DYNC1I1: variants seen among roughly 807,000 people sequenced by gnomAD.
DYNC1I1 encodes dynein cytoplasmic 1 intermediate chain 1, also known as cytoplasmic dynein 1 intermediate chain 1.
Under a neutral mutation model 86.6 loss-of-function variants are expected in DYNC1I1, and 43 were observed. That is an observed-to-expected ratio of 0.50 (90% CI 0.39 to 0.64). The LOEUF is 0.64. DYNC1I1 is among the 30% of genes least tolerant of loss of function. DYNC1I1 has a pLI of 0.00. For synonymous variants in DYNC1I1, 262 were observed against 283.7 expected, an observed-to-expected ratio of 0.92 and a Z score of 0.77; for missense variants, 604 against 788.8, an observed-to-expected ratio of 0.77 and a Z score of 2.81.
chr7:96,042,781 G>A (rs1183335217), intron 14 of DYNC1I1, among the ~76,000 whole-genome samples: 1 of 152,110 alleles, frequency 6.6e-6, no homozygotes, highest in Non-Finnish European at 1.5e-5. Flanking sequence ...AAAACATGTA[G>A]TCTGTCTTTT....
At chr7:95,879,337 T>C (rs769162600) in intron 6 of DYNC1I1, among the ~76,000 whole-genome samples, 73 of 152,146 alleles carry the variant, frequency 4.8e-4, no homozygotes, top group Non-Finnish European at 8.5e-4. Context: ...ACAAAGAAGG[T>C]GAGTGGCAGC....
At chr7:96,019,270 A>C (rs545220775) in intron 10 of DYNC1I1, among the ~76,000 whole-genome samples, 2 of 149,254 alleles carry the variant, frequency 1.3e-5, no homozygotes, top group South Asian at 2.1e-4. Context: ...TCTTGAATTT[A>C]TTCCTTCTAT....
At chr7:95,969,613 T>C (rs1489505678) in intron 6 of DYNC1I1, among the ~76,000 whole-genome samples, 2 of 152,174 alleles carry the variant, frequency 1.3e-5, no homozygotes, top group Non-Finnish European at 2.9e-5. Flanking sequence ...TCAATACATA[T>C]TTACTATGCA....
intron 6 of DYNC1I1, among the ~76,000 whole-genome samples, chr7:95,932,630 G>A (rs1364321657): frequency 1.3e-5 from 2 of 152,116 alleles, no homozygotes; most frequent in African/African-American, 2.4e-5. Flanking sequence ...AAGCTTCTAG[G>A]AACTTCCACA....
chr7:95,866,450 C>G (rs146001774), intron 5 of DYNC1I1, among the ~76,000 whole-genome samples: 1 of 152,288 alleles, frequency 6.6e-6, no homozygotes, highest in East Asian at 1.9e-4. Context: ...GTACATGGCC[C>G]TGGGACTTAC....
intron 1 of DYNC1I1, among the ~76,000 whole-genome samples, chr7:95,775,260 G>A (rs1382620): frequency 0.34 from 51,115 of 152,112 alleles, 8,972 homozygotes; most frequent in South Asian, 0.51. Context: ...TCCGTACTAT[G>A]AAACAATTAC....
chr7:95,821,407 G>A (rs1412215015), intron 4 of DYNC1I1, among the ~76,000 whole-genome samples: 2 of 152,116 alleles, frequency 1.3e-5, no homozygotes, highest in Non-Finnish European at 2.9e-5. Flanking sequence ...GATTGCCTGG[G>A]GTTAGAGTAG....
intron 4 of DYNC1I1, chr7:95,818,419 A>G: frequency 1.8e-6 from 1 of 562,980 alleles, no homozygotes. Context: ...CTCCCACTTC[A>G]GCTTCCTGCA....
At chr7:95,951,357 G>C (rs1792547562) in intron 6 of DYNC1I1, among the ~76,000 whole-genome samples, 1 of 152,130 alleles carries the variant, frequency 6.6e-6, no homozygotes, top group Non-Finnish European at 1.5e-5. Flanking sequence ...TATGCTACAG[G>C]AGAGGCAGTC....
chr7:95,841,399 C>G (rs1789276429), intron 5 of DYNC1I1, among the ~76,000 whole-genome samples: 1 of 151,984 alleles, frequency 6.6e-6, no homozygotes, highest in African/African-American at 2.4e-5. Context: ...TATAGTGTAA[C>G]CCCTCCCAGG....
chr7:95,781,078 A>G (rs967775866), intron 1 of DYNC1I1, among the ~76,000 whole-genome samples: 1 of 151,978 alleles, frequency 6.6e-6, no homozygotes, highest in Non-Finnish European at 1.5e-5. Flanking sequence ...TATAGGTTAC[A>G]GCTGATTTGG....
intron 10 of DYNC1I1, among the ~76,000 whole-genome samples, chr7:96,015,926 A>G (rs984305803): frequency 6.6e-6 from 1 of 152,170 alleles, no homozygotes; most frequent in Non-Finnish European, 1.5e-5. Flanking sequence ...TAGTACTTCA[A>G]AGTAGCAGTT....
chr7:96,076,258 G>C (rs548207934), intron 15 of DYNC1I1, 61 bp downstream of exon 15: 25 of 1,589,860 alleles, frequency 1.6e-5, no homozygotes, highest in Non-Finnish European at 1.9e-5. Context: ...TCGGCCACTC[G>C]CAGTCTCTCC....
At chr7:95,813,650 A>G (rs1794884134) in intron 4 of DYNC1I1, among the ~76,000 whole-genome samples, 1 of 152,160 alleles carries the variant, frequency 6.6e-6, no homozygotes, top group South Asian at 2.1e-4. Context: ...ATTATTTAGT[A>G]GATAATTGAA....
chr7:95,983,510 G>C lies in DYNC1I1; in HGVS notation c.581-1305G>C, dbSNP rs182720842. 4.6e-5 allele frequency among the ~76,000 whole-genome samples: 7 copies of C among 152,184 alleles called. No homozygotes were observed. The East Asian group carries it at 1.4e-3, about 29-fold the overall frequency. ...CCAGACCCCCTGCCTCATGGTCTGGGGCAGGGAAGGGGAGGCTAGAAAGAG... is the reference window on the plus strand; with the variant it reads ...CCAGACCCCCTGCCTCATGGTCTGGCGCAGGGAAGGGGAGGCTAGAAAGAG... On this transcript the variant is annotated intron_variant, in intron 7 of 16. Coordinates refer to ENST00000447467, the MANE Select transcript of DYNC1I1 (RefSeq NM_001135556.2).
chr7:96,074,580 T>C (rs1430666443), intron 14 of DYNC1I1, among the ~76,000 whole-genome samples: 1 of 151,378 alleles, frequency 6.6e-6, no homozygotes, highest in Non-Finnish European at 1.5e-5. Context: ...AAAAAGTTTC[T>C]TCAGTTCTAA....
chr7:95,813,061 A>G, intron 3 of DYNC1I1, 186 bp from the exon 4 acceptor site: 1 of 1,328,134 alleles, frequency 7.5e-7, no homozygotes, highest in Non-Finnish European at 1.0e-6. Flanking sequence ...CCAAAATACA[A>G]AAAATTCACT....
intron 10 of DYNC1I1, among the ~76,000 whole-genome samples, chr7:96,020,097 C>CA (rs10595929): frequency 0.051 from 6,195 of 122,110 alleles, 216 homozygotes; most frequent in African/African-American, 0.11. Flanking sequence ...AAAAGAAAGC[C>CA]AAAAAAAAAA....
At chr7:95,809,527 T>C (rs1794780207) in intron 2 of DYNC1I1, among the ~76,000 whole-genome samples, 1 of 152,202 alleles carries the variant, frequency 6.6e-6, no homozygotes, top group Non-Finnish European at 1.5e-5. Context: ...ATAACTTATC[T>C]TAAGTAATAA....
Sources: allele counts gnomAD v4.1 joint callset (sites outside exome capture counted in the v4.1 genomes callset), GRCh38; gene constraint gnomAD v4.1.1; transcripts MANE v1.5; gene names NCBI Gene and HGNC (gene_info 2026-07-23, HGNC 2026-07-21).